The following PPFIA1 variants were observed in gnomAD, a reference collection of about 807,000 sequenced individuals.
The protein encoded by PPFIA1 is liprin-alpha-1.
In PPFIA1, 25 loss-of-function variants were observed where a neutral mutation model predicts 149.9. The ratio of observed to expected loss-of-function variants is 0.17; its 90% CI spans 0.12 to 0.23. The LOEUF is 0.23. Among genes scored for constraint, PPFIA1 ranks in the 10% least tolerant of loss-of-function variants. The pLI, the probability that PPFIA1 is intolerant of heterozygous loss-of-function variation, is 1.00. For missense variants in PPFIA1, 1,362 were observed against 1,506.5 expected (o/e 0.90, Z 1.59); for synonymous variants, 549 against 552.8 (o/e 0.99, Z 0.10).
Position 70,324,506 on chromosome 11 carries a change from G to T in PPFIA1, c.366+3G>T. The T allele has an allele frequency of 6.2e-7, 1 of 1,602,286 alleles. No individual in the cohort carries two copies. The highest frequency in any genetic ancestry group is 1.1e-5 in the South Asian group (1 of 90,496). ...AAGCAGAAAGGAATAACACCAGGGT[G>T]AGTGTGACCTTTCTGTTCACTGCCT... On this transcript the variant is annotated splice_donor_region_variant and intron_variant, in intron 3 of 27. Coordinates refer to ENST00000253925, the MANE Select transcript of PPFIA1 (RefSeq NM_003626.5).
At chr11:70,374,160 G>C (rs2057385756) in intron 23 of PPFIA1, 2 of 152,200 alleles carry the variant, frequency 1.3e-5, no homozygotes, top group African/African-American at 4.8e-5. Context: ...TATTGTCTGA[G>C]CCCATGAGTT....
At chr11:70,327,601 C>T (rs528556148) in intron 7 of PPFIA1, 1 of 152,394 alleles carries the variant, frequency 6.6e-6, no homozygotes, top group South Asian at 2.1e-4. Flanking sequence ...GAAACCCCGT[C>T]TCTACTAAAA....
chr11:70,277,277 A>G (rs1230755210), intron 2 of PPFIA1, among the ~76,000 whole-genome samples: 1 of 151,588 alleles, frequency 6.6e-6, no homozygotes, highest in Non-Finnish European at 1.5e-5. Flanking sequence ...TAGCCTCCCA[A>G]AACAATGGGA....
chr11:70,292,583 A>G (rs1453447639), intron 2 of PPFIA1, among the ~76,000 whole-genome samples: 1 of 152,182 alleles, frequency 6.6e-6, no homozygotes, highest in African/African-American at 2.4e-5. Context: ...TGTGTAAGGT[A>G]CCGTCCAGGG....
At chr11:70,312,937 C>T (rs2053382935) in intron 2 of PPFIA1, among the ~76,000 whole-genome samples, 2 of 152,096 alleles carry the variant, frequency 1.3e-5, no homozygotes, top group Admixed American at 6.6e-5. Flanking sequence ...CTGTCCATGC[C>T]CACGTGGGAA....
At chr11:70,305,596 C>A (rs192682529) in intron 2 of PPFIA1, among the ~76,000 whole-genome samples, 3 of 152,144 alleles carry the variant, frequency 2.0e-5, no homozygotes, top group African/African-American at 7.2e-5. Context: ...GTCTCGAACT[C>A]CTGAGGTCAA....
At chr11:70,276,360 A>G (rs2050381684) in intron 2 of PPFIA1, among the ~76,000 whole-genome samples, 2 of 152,060 alleles carry the variant, frequency 1.3e-5, no homozygotes, top group South Asian at 4.1e-4. Flanking sequence ...TTTTAAAAAA[A>G]ATTTACAATT....
chr11:70,320,599 G>A (rs776563990), intron 2 of PPFIA1, among the ~76,000 whole-genome samples: 3 of 151,826 alleles, frequency 2.0e-5, no homozygotes, highest in Admixed American at 6.6e-5. Context: ...CACCATGCCC[G>A]GCTAATTTTT....
At chr11:70,357,558 G>A (rs1468302310) in intron 19 of PPFIA1, among the ~76,000 whole-genome samples, 1 of 151,784 alleles carries the variant, frequency 6.6e-6, no homozygotes, top group African/African-American at 2.4e-5. Flanking sequence ...AATCTGATTT[G>A]AACATTGCTA....
At chr11:70,323,003 T>C (rs1053190278) in intron 2 of PPFIA1, among the ~76,000 whole-genome samples, 2 of 152,178 alleles carry the variant, frequency 1.3e-5, no homozygotes, top group Non-Finnish European at 2.9e-5. Flanking sequence ...ACCAATTCAG[T>C]GAAATTGTGG....
intron 25 of PPFIA1, among the ~76,000 whole-genome samples, chr11:70,377,027 C>T (rs569654783): frequency 2.0e-5 from 3 of 151,934 alleles, no homozygotes; most frequent in African/African-American, 4.8e-5. Context: ...GAGCTGAGAT[C>T]GCACCACTGC....
chr11:70,382,979 T>C (rs917474293), intron 27 of PPFIA1, 24 bp from the exon 28 acceptor site: 5 of 395,716 alleles, frequency 1.3e-5, no homozygotes, highest in African/African-American at 8.9e-5. Flanking sequence ...ACTGAGTGGT[T>C]TTTTGTTTGT....
intron 2 of PPFIA1, among the ~76,000 whole-genome samples, chr11:70,305,428 A>C (rs2052783163): frequency 6.6e-6 from 1 of 152,022 alleles, no homozygotes; most frequent in African/African-American, 2.4e-5. Context: ...GCTGGAGTGC[A>C]ATGGCATGAT....
At position 70,323,833 on chromosome 11, in the gene PPFIA1, G is replaced by A. The variant is rs147134089; in HGVS notation, c.265-569G>A. Among the ~76,000 whole-genome samples the A allele has an allele frequency of 3.1e-3, 477 of 152,272 alleles. 4 individuals carry two copies. The highest frequency in any genetic ancestry group is 0.011 in the African/African-American group (450 of 41,552). On this transcript the variant is annotated intron_variant, in intron 2 of 27. Coordinates refer to ENST00000253925, the MANE Select transcript of PPFIA1 (RefSeq NM_003626.5). ...GAAATATTACTTTAGAAGAGAGGCT[G>A]GGCACGGTGGCTCAAGCCTGTGGTC... is the stretch of plus-strand genomic sequence containing the variant.
At chr11:70,365,796 C>G (rs1042208436) in intron 21 of PPFIA1, 2 of 374,846 alleles carry the variant, frequency 5.3e-6, no homozygotes, top group Non-Finnish European at 1.0e-5. Context: ...GTTGGTTTTG[C>G]ATGAGTTTTG....
intron 7 of PPFIA1, among the ~76,000 whole-genome samples, chr11:70,328,548 G>A (rs1247993999): frequency 5.3e-5 from 8 of 152,056 alleles, no homozygotes; most frequent in Admixed American, 2.6e-4. Flanking sequence ...ATACGTGTGC[G>A]TGTGTCTTTA....
At chr11:70,279,163 G>A (rs2050589974) in intron 2 of PPFIA1, 4 of 494,704 alleles carry the variant, frequency 8.1e-6, no homozygotes, top group South Asian at 2.4e-5. Flanking sequence ...GCGCCCACAC[G>A]TCCAGGACTG....
intron 2 of PPFIA1, among the ~76,000 whole-genome samples, chr11:70,276,412 C>G (rs944099304): frequency 2.0e-4 from 31 of 151,986 alleles, no homozygotes; most frequent in African/African-American, 7.2e-4. Context: ...TCTCCTTTTA[C>G]TGGATTATAT....
At chr11:70,301,015 T>C (rs1262028480) in intron 2 of PPFIA1, among the ~76,000 whole-genome samples, 1 of 152,210 alleles carries the variant, frequency 6.6e-6, no homozygotes, top group Non-Finnish European at 1.5e-5. Flanking sequence ...TTTTACTAAC[T>C]GCTGCAATGG....
Sources: gnomAD v4.1 joint callset for allele counts (sites outside exome capture counted in the v4.1 genomes callset) on GRCh38, gnomAD v4.1.1 for gene constraint, MANE v1.5 for transcripts, NCBI Gene and HGNC (gene_info 2026-07-23, HGNC 2026-07-21) for gene names.